RTN1: variants seen among roughly 807,000 people sequenced by gnomAD.
The protein encoded by RTN1 is reticulon 1.
RTN1 carries 25 observed loss-of-function variants against 65.5 expected under a neutral mutation model. That is an observed-to-expected ratio of 0.38 (90% CI 0.28 to 0.53). The LOEUF (loss-of-function observed/expected upper bound fraction) is 0.53, where lower values mean the gene tolerates loss of function less well. Ranked by LOEUF, RTN1 falls within the 20% of genes least tolerant of loss-of-function variation. The pLI, the probability that RTN1 is intolerant of heterozygous loss-of-function variation, is 0.79. For synonymous variants in RTN1, 471 were observed against 447.6 expected (o/e 1.05, Z -0.66); for missense variants, 983 against 1,025.4 (o/e 0.96, Z 0.57).
rs115362519 is a variant in RTN1, at chr14:59,740,166, G to A, written c.1015+5542C>T. ...CTTGGGAGCAAAGTACAGCCAAGTC[G>A]TGTTTGTTCATTATCATATCCTTGC... is the stretch of plus-strand genomic sequence containing the variant. On this transcript the variant is annotated intron_variant, in intron 2 of 8. Transcript: ENST00000267484. 2.6e-3 allele frequency among the ~76,000 whole-genome samples: 391 copies of A among 150,126 alleles called. 2 individuals carry two copies. The highest frequency in any genetic ancestry group is 9.3e-3 in the African/African-American group (381 of 40,968).
chr14:59,699,051 C>T (rs1884124197), intron 3 of RTN1, among the ~76,000 whole-genome samples: 1 of 152,102 alleles, frequency 6.6e-6, no homozygotes, highest in Non-Finnish European at 1.5e-5. Context: ...CAGCTGGAAG[C>T]TTGTTGTCAT....
intron 1 of RTN1, among the ~76,000 whole-genome samples, chr14:59,860,730 T>C (rs371424439): frequency 3.3e-5 from 5 of 152,108 alleles, no homozygotes; most frequent in South Asian, 2.1e-4. Context: ...CCTGCATCAG[T>C]GTGACCTGGT....
chr14:59,750,379 T>TA (rs1566713748), intron 1 of RTN1, among the ~76,000 whole-genome samples: 4 of 38,440 alleles, frequency 1.0e-4, no homozygotes, highest in Admixed American at 6.0e-4. Context: ...TATCTATATA[T>TA]TATATATTAT....
Position 59,603,046 on chromosome 14 carries a change from A to G in RTN1, c.2288+19T>C. 1 of 1,608,672 alleles carries G rather than the reference A, an allele frequency of 6.2e-7. No homozygotes were observed. The highest frequency in any genetic ancestry group is 8.5e-7 in the Non-Finnish European group (1 of 1,175,676). On this transcript the variant is annotated intron_variant, in intron 8 of 8. Coordinates refer to ENST00000267484, the MANE Select transcript of RTN1 (RefSeq NM_021136.3). The stretch of plus-strand genomic sequence containing the variant: ...TGTAAGAGAGTCTCTCCTTTTATGC[A>G]TTGCACTATGTGACTTACTTTGCCA...
In RTN1 at chr14:59,794,586, T is replaced by C. The variant is rs770120507; in HGVS notation, c.242-48105A>G. Among the ~76,000 whole-genome samples the C allele has an allele frequency of 3.9e-4, 59 of 152,204 alleles. 1 individual carries two copies. The highest frequency in any genetic ancestry group is 6.3e-3 in the Middle Eastern group (2 of 316). ...TTTTAATTACTGTAACAAAGATCCA[T>C]GTCTGCTCCATGGTGTTGGGAGCAA... On this transcript the variant is annotated intron_variant, in intron 1 of 8. Coordinates refer to ENST00000267484, the MANE Select transcript of RTN1 (RefSeq NM_021136.3). The surrounding 1 kb of genome is among the most constrained non-coding windows in gnomAD (Gnocchi z 5.1).
At chr14:59,782,340 ACTAT>A (rs1460075559) in intron 1 of RTN1, among the ~76,000 whole-genome samples, 2 of 152,236 alleles carry the variant, frequency 1.3e-5, no homozygotes, top group East Asian at 3.8e-4. Context: ...AACCAGCAAC[ACTAT>A]CTAACAAAAT....
Position 59,727,242 on chromosome 14 carries a change from G to C in RTN1, c.1442C>G (p.Pro481Arg). 1 of 1,546,202 alleles carries C rather than the reference G, an allele frequency of 6.5e-7. No homozygotes were observed. The highest frequency in any genetic ancestry group is 8.7e-7 in the Non-Finnish European group (1 of 1,146,552). ...CDASSASEES[P>R]KREQDSPPMK... ...CGGGGGTGAGTCCTGCTCCCGCTTG[G>C]GGCTCTCCTCCGAGGCCGAGGAGGC... Residue 481 changes from proline (P) to arginine (R), a missense_variant, in exon 3 of 9, where the codon CCC (proline) becomes CGC (arginine). By Grantham distance (103) the Pro-to-Arg change is moderately radical. Transcript: ENST00000267484. This position sits in a 1 kb window ranked among gnomAD's most constrained non-coding sequence, Gnocchi z 4.2.
chr14:59,768,105 A>G (rs1885884447), intron 1 of RTN1, among the ~76,000 whole-genome samples: 1 of 152,186 alleles, frequency 6.6e-6, no homozygotes, highest in African/African-American at 2.4e-5. Context: ...GGCATTACCA[A>G]ATGTCTACTT....
chr14:59,671,935 T>C (rs989587103), intron 3 of RTN1, among the ~76,000 whole-genome samples: 1 of 152,250 alleles, frequency 6.6e-6, no homozygotes, highest in Admixed American at 6.5e-5. Context: ...CCTGATATTA[T>C]ATTTCTGACA....
In RTN1 at chr14:59,870,561, G is replaced by T; in HGVS notation, c.70C>A (p.His24Asn). 1 of 1,457,194 alleles carries T rather than the reference G, an allele frequency of 6.9e-7. No homozygotes were observed. Among genetic ancestry groups the T allele is most frequent in the Non-Finnish European group, 9.0e-7 (1 of 1,110,176 alleles). 90.3% of individuals were successfully genotyped at this position (1,457,194 alleles called of 1,614,324 possible). ...LAGPGSQWLR[H>N]RGEGENEAVT... is the part of the protein sequence containing the mutation. ...GCTTCGTTCTCCCCCTCCCCCCGGT[G>T]CCTGAGCCACTGGGACCCGGGGCCG... The change falls in exon 1 of 9, where the codon CAC (histidine) becomes AAC (asparagine). Residue 24 changes from histidine to asparagine, a missense_variant. Physicochemically the swap from His to Asn is moderately conservative, Grantham distance 68. Transcript: ENST00000267484. The surrounding 1 kb of genome is among the most constrained non-coding windows in gnomAD (Gnocchi z 5.1).
At chr14:59,767,839 A>T (rs940528253) in intron 1 of RTN1, among the ~76,000 whole-genome samples, 1 of 152,174 alleles carries the variant, frequency 6.6e-6, no homozygotes, top group African/African-American at 2.4e-5. Flanking sequence ...CAAATACTAT[A>T]CACTTGCATA....
rs552166320 is a variant in RTN1 at position 59,803,248 on chromosome 14, C to T, written c.242-56767G>A. On this transcript the variant is annotated intron_variant, in intron 1 of 8. Transcript: ENST00000267484. The surrounding 1 kb of genome is among the most constrained non-coding windows in gnomAD (Gnocchi z 5.6). Reference sequence around the variant, plus strand: ...TGGTTCCGTACACAACACCGAGCTGCGTATGACTTGCCCTGACTCTCACGG... The same window carrying T: ...TGGTTCCGTACACAACACCGAGCTGTGTATGACTTGCCCTGACTCTCACGG... 2.5e-4 allele frequency among the ~76,000 whole-genome samples: 38 copies of T among 152,266 alleles called. No individual in the cohort carries two copies. The highest frequency in any genetic ancestry group is 8.7e-4 in the African/African-American group (36 of 41,556).
intron 3 of RTN1, among the ~76,000 whole-genome samples, chr14:59,653,909 A>G (rs1883068213): frequency 6.6e-6 from 1 of 152,044 alleles, no homozygotes; most frequent in Non-Finnish European, 1.5e-5. Context: ...TTATTTATTT[A>G]TTTATTTAGA....
rs1010042635 is a variant in RTN1, at chr14:59,863,386, A to T, written c.241+7004T>A. ...GATGTTTTTCCCGGCACTTTGAATGACTTCCTCATTGTCAAATCCAGTGGC... is the reference window on the plus strand; with the variant it reads ...GATGTTTTTCCCGGCACTTTGAATGTCTTCCTCATTGTCAAATCCAGTGGC... On this transcript the variant is annotated intron_variant, in intron 1 of 8. Coordinates refer to ENST00000267484, the MANE Select transcript of RTN1 (RefSeq NM_021136.3). Among the ~76,000 whole-genome samples, 10 of 152,230 alleles carry T rather than the reference A, an allele frequency of 6.6e-5. No individual in the cohort carries two copies. In the East Asian group the frequency reaches 7.7e-4, roughly 12 times the overall value.
At chr14:59,663,241 C>T (rs1883289787) in intron 3 of RTN1, among the ~76,000 whole-genome samples, 1 of 152,118 alleles carries the variant, frequency 6.6e-6, no homozygotes, top group Non-Finnish European at 1.5e-5. Flanking sequence ...GGACTCCTTC[C>T]TTATACATTA....
At chr14:59,634,664 C>A (rs564155691) in intron 3 of RTN1, among the ~76,000 whole-genome samples, 1 of 152,136 alleles carries the variant, frequency 6.6e-6, no homozygotes, top group African/African-American at 2.4e-5. Flanking sequence ...ACTGGGAACT[C>A]GAGTCCAGAG....
chr14:59,818,511 T>A (rs536269838), intron 1 of RTN1, among the ~76,000 whole-genome samples: 5 of 152,340 alleles, frequency 3.3e-5, no homozygotes, highest in African/African-American at 1.2e-4. Context: ...TCAATATTAA[T>A]TCAAAATACT....
At chr14:59,648,101 T>G (rs1189518573) in intron 3 of RTN1, among the ~76,000 whole-genome samples, 1 of 152,172 alleles carries the variant, frequency 6.6e-6, no homozygotes, top group Non-Finnish European at 1.5e-5. Context: ...ACAAATGGGA[T>G]GTTACCATTG....
chr14:59,863,641 A>C (rs554987468), intron 1 of RTN1, among the ~76,000 whole-genome samples: 1 of 152,272 alleles, frequency 6.6e-6, no homozygotes, highest in African/African-American at 2.4e-5. Context: ...CTCTACACCA[A>C]CAACTCCCAA....
Sources: allele counts gnomAD v4.1 joint callset (sites outside exome capture counted in the v4.1 genomes callset), GRCh38; gene constraint gnomAD v4.1.1; non-coding constraint Gnocchi (gnomAD v3.1); transcripts MANE v1.5; gene names NCBI Gene and HGNC (gene_info 2026-07-23, HGNC 2026-07-21).